Variants in AZI2 observed in about 807,000 individuals in gnomAD.
The protein encoded by AZI2 is 5-azacytidine induced 2.
A neutral mutation model predicts 45.8 loss-of-function variants in AZI2; 22 were observed. That is an observed-to-expected ratio of 0.48 (90% CI 0.34 to 0.69). The LOEUF (loss-of-function observed/expected upper bound fraction) is 0.69. Among genes scored for constraint, AZI2 ranks in the 30% least tolerant of loss-of-function variants. AZI2 has a pLI of 0.01. For missense variants in AZI2, 417 were observed against 441.5 expected (o/e 0.94, Z 0.50); for synonymous variants, 137 against 156.7 (o/e 0.87, Z 0.94).
chr3:28,343,851 G>C (rs1704123574), intron 1 of AZI2, among the ~76,000 whole-genome samples: 1 of 151,940 alleles, frequency 6.6e-6, no homozygotes, highest in Non-Finnish European at 1.5e-5. Context: ...TACATGGAAG[G>C]GGGTATATTG....
At chr3:28,336,940 A>G in intron 4 of AZI2, 55 bp from the exon 5 acceptor site, 1 of 1,543,602 alleles carries the variant, frequency 6.5e-7, no homozygotes, top group Admixed American at 1.8e-5. Flanking sequence ...ATTGACTGCA[A>G]TTCTTAAAAA....
At chr3:28,336,649 C>T (rs1703802621) in intron 5 of AZI2, 88 bp downstream of exon 5, 2 of 1,318,710 alleles carry the variant, frequency 1.5e-6, no homozygotes, top group East Asian at 4.9e-5. Context: ...TTTATTTTAA[C>T]TCTATGGTTT....
chr3:28,330,595 G>C (rs1175206157), intron 6 of AZI2, among the ~76,000 whole-genome samples: 1 of 151,306 alleles, frequency 6.6e-6, no homozygotes, highest in East Asian at 1.9e-4. Flanking sequence ...ACAAAATGCA[G>C]TGGAGAATGA....
intron 7 of AZI2, 22 bp downstream of exon 7, chr3:28,326,810 T>C (rs780075036): frequency 6.4e-7 from 1 of 1,557,712 alleles, no homozygotes; most frequent in Non-Finnish European, 8.9e-7. Flanking sequence ...GAATCAGTGG[T>C]TTCCGGTAAA....
chr3:28,331,764 A>ATTC, intron 6 of AZI2: 1 of 1,478,508 alleles, frequency 6.8e-7, no homozygotes, highest in Admixed American at 2.2e-5. Flanking sequence ...AACAACAATT[A>ATTC]TTAGATAGCT....
rs753695478 is a variant in AZI2, at chr3:28,332,337, C to T, written c.647+32G>A. 5 of 1,555,168 alleles carry T rather than the reference C, an allele frequency of 3.2e-6. No homozygotes were observed. In the African/African-American group the frequency reaches 4.1e-5, roughly 13 times the overall value. On this transcript the variant is annotated intron_variant, in intron 6 of 7. Coordinates refer to ENST00000479665, the MANE Select transcript of AZI2 (RefSeq NM_022461.5). ...CAAAGTGACTTATGGAAGAAGACAA[C>T]GTATTGTCTTAATGCTGAAGAGTGG...
In AZI2 at chr3:28,323,916, A is replaced by G. The variant is rs1703277301; in HGVS notation, c.*126T>C. 2 of 1,092,262 alleles carry G rather than the reference A, an allele frequency of 1.8e-6. No homozygotes were observed. 67.7% of individuals were successfully genotyped at this position (1,092,262 alleles called of 1,614,324 possible). ...TTGTACTATTGTACAGTGTGTTCAA[A>G]TATAGATACTGAAGACCTCTGCAAA... is the stretch of plus-strand genomic sequence containing the variant. On this transcript the variant is annotated 3_prime_UTR_variant, in exon 8 of 8. Coordinates refer to ENST00000479665, the MANE Select transcript of AZI2 (RefSeq NM_022461.5).
Position 28,326,825 on chromosome 3 carries a change from G to C in AZI2, c.766+7C>G. ...GAATCAGTGGTTTCCGGTAAACAGT[G>C]ACTTGCCTTTCTTGATTGCAGTTGA... On this transcript the variant is annotated splice_region_variant and intron_variant, in intron 7 of 7. Transcript: ENST00000479665. 6.3e-7 allele frequency: 1 copy of C among 1,591,238 alleles called. No homozygotes were observed. Among genetic ancestry groups the C allele is most frequent in the Non-Finnish European group, 8.6e-7 (1 of 1,160,286 alleles).
Position 28,348,779 on chromosome 3 carries a change from C to T in AZI2, c.-184G>A, listed in dbSNP as rs981007717. The T allele has an allele frequency of 1.0e-5, 2 of 191,804 alleles. No homozygotes were observed. Among genetic ancestry groups the T allele is most frequent in the Admixed American group, 6.5e-5 (1 of 15,324 alleles). The allele number at this position is 191,804 out of a possible 1,614,324, so 11.9% of individuals were successfully genotyped here. A position where few individuals can be genotyped will look rare whatever the true frequency, so the allele number is the denominator to read the frequency against. Reference sequence around the variant, plus strand: ...GCTCCGGGCACGTCGCGGAGGGAGTCCCATTTCTTCTGACTCGGCAGGAGC... The same window carrying T: ...GCTCCGGGCACGTCGCGGAGGGAGTTCCATTTCTTCTGACTCGGCAGGAGC... On this transcript the variant is annotated 5_prime_UTR_variant, in exon 1 of 8. Coordinates refer to ENST00000479665, the MANE Select transcript of AZI2 (RefSeq NM_022461.5).
In AZI2 at chr3:28,332,280, G is replaced by GT; in HGVS notation, c.647+88dup. 7 of 1,185,454 alleles carry GT rather than the reference G, an allele frequency of 5.9e-6. No homozygotes were observed. In the South Asian group the frequency reaches 8.4e-5, roughly 14 times the overall value. The allele number at this position is 1,185,454 out of a possible 1,614,324, so 73.4% of individuals were successfully genotyped here. A position where few individuals can be genotyped will look rare whatever the true frequency, so the allele number is the denominator to read the frequency against. ...ACAATATCCATTTTTTGTTTTTAAG[G>GT]TTAAGTCATAAAAGAAATCTAAGGA... On this transcript the variant is annotated intron_variant, in intron 6 of 7. Transcript: ENST00000479665.
intron 1 of AZI2, among the ~76,000 whole-genome samples, chr3:28,342,207 G>C (rs1307167452): frequency 1.3e-5 from 2 of 152,014 alleles, no homozygotes; most frequent in Non-Finnish European, 1.5e-5. Context: ...ACAGCTGGGA[G>C]CATCTAAGCA....
At chr3:28,326,615 A>G in intron 7 of AZI2, 1 of 533,328 alleles carries the variant, frequency 1.9e-6, no homozygotes, top group South Asian at 2.0e-5. Flanking sequence ...GGAAAAGAAT[A>G]CAGTACTGAA....
chr3:28,340,390 G>T lies in AZI2; in HGVS notation c.216+12C>A. The T allele has an allele frequency of 6.6e-7, 1 of 1,507,252 alleles. No homozygotes were observed. The allele number at this position is 1,507,252 out of a possible 1,614,324, so 93.4% of individuals were successfully genotyped here. ...TGTCACAAACGCAATGAAGGTAAAA[G>T]ATAAAAATTACCTTTTCTTCCAAAA... On this transcript the variant is annotated intron_variant, in intron 2 of 7. Transcript: ENST00000479665.
intron 5 of AZI2, among the ~76,000 whole-genome samples, chr3:28,332,788 G>A (rs911495274): frequency 1.3e-5 from 2 of 151,732 alleles, no homozygotes; most frequent in Non-Finnish European, 2.9e-5. Context: ...TATGGTATGG[G>A]TGAATGAATT....
intron 2 of AZI2, among the ~76,000 whole-genome samples, chr3:28,340,152 C>A (rs370706433): frequency 6.6e-6 from 1 of 150,402 alleles, no homozygotes; most frequent in Non-Finnish European, 1.5e-5. Context: ...GGTAAGTAAA[C>A]CTGAAAATGA....
intron 1 of AZI2, among the ~76,000 whole-genome samples, chr3:28,345,303 GCA>G (rs1203013329): frequency 4.6e-5 from 7 of 152,020 alleles, no homozygotes; most frequent in African/African-American, 1.7e-4. Context: ...ACATTTGTGG[GCA>G]CAGTTAGTTC....
At chr3:28,342,671 A>T (rs1453369689) in intron 1 of AZI2, among the ~76,000 whole-genome samples, 1 of 151,528 alleles carries the variant, frequency 6.6e-6, no homozygotes, top group Admixed American at 6.6e-5. Flanking sequence ...TTGCAAACTG[A>T]AAGTATGCAT....
Position 28,348,630 on chromosome 3 carries a change from C to T in AZI2, c.-35G>A, listed in dbSNP as rs1039940027. On this transcript the variant is annotated 5_prime_UTR_variant, in exon 1 of 8. Transcript: ENST00000479665. ...AAGCCAGGCTACGTAGGGCCGCCCC[C>T]AAGGCCGCCGAGTTTCGATTCCTTA... 6.5e-6 allele frequency: 1 copy of T among 152,780 alleles called. No homozygotes were observed. The highest frequency in any genetic ancestry group is 2.4e-5 in the African/African-American group (1 of 41,480). The allele number at this position is 152,780 out of a possible 1,614,324, so 9.5% of individuals were successfully genotyped here. A position where few individuals can be genotyped will look rare whatever the true frequency, so the allele number is the denominator to read the frequency against.
chr3:28,341,500 A>G (rs1317066212), intron 1 of AZI2: 1 of 152,090 alleles, frequency 6.6e-6, no homozygotes, highest in Non-Finnish European at 1.5e-5. Flanking sequence ...ACCTAAGAGA[A>G]GAGCTCGTTA....
Sources: allele counts gnomAD v4.1 joint callset (sites outside exome capture counted in the v4.1 genomes callset), GRCh38; gene constraint gnomAD v4.1.1; transcripts MANE v1.5; gene names NCBI Gene and HGNC (gene_info 2026-07-23, HGNC 2026-07-21).